Variants in FNBP1L observed in about 807,000 individuals in gnomAD.
The protein encoded by FNBP1L is formin-binding protein 1-like.
Under a neutral mutation model 91.2 loss-of-function variants are expected in FNBP1L, and 36 were observed. The ratio of observed to expected loss-of-function variants is 0.39; its 90% CI spans 0.30 to 0.52. The LOEUF (loss-of-function observed/expected upper bound fraction) is 0.52. Among genes scored for constraint, FNBP1L ranks in the 20% least tolerant of loss-of-function variants. The pLI, the probability that FNBP1L is intolerant of heterozygous loss-of-function variation, is 0.66. For missense variants in FNBP1L, 571 were observed against 732.1 expected (o/e 0.78, Z 2.54); for synonymous variants, 242 against 237.0 (o/e 1.02, Z -0.19).
At chr1:93,486,148 C>T (rs1461533842) in intron 1 of FNBP1L, among the ~76,000 whole-genome samples, 1 of 152,190 alleles carries the variant, frequency 6.6e-6, no homozygotes, top group East Asian at 1.9e-4. Context: ...GGATTCTGTA[C>T]TTAGAGTTTT....
intron 1 of FNBP1L, among the ~76,000 whole-genome samples, chr1:93,496,656 G>C (rs58430978): frequency 6.6e-6 from 1 of 151,882 alleles, no homozygotes; most frequent in Non-Finnish European, 1.5e-5. Context: ...CTCTTGCCTC[G>C]GCCTCCCAAA....
In FNBP1L at chr1:93,499,558, G is replaced by T. The variant is rs1411987917; in HGVS notation, c.115G>T (p.Glu39Ter). ...AKFVKERIEI[E>*]QNYAKQLRNL... is the part of the protein sequence containing the mutation. The stretch of plus-strand genomic sequence containing the variant: ...ATTTGTTAAAGAGAGGATAGAAATT[G>T]AACAGAACTATGCGAAACAATTGAG... The change falls in exon 2 of 17, where the codon GAA becomes TAA. Residue 39 changes from glutamate to a stop codon, truncating the protein, a stop_gained. Coordinates refer to ENST00000271234, the MANE Select transcript of FNBP1L (RefSeq NM_001164473.3). LOFTEE classifies it high-confidence loss of function. 6.3e-7 allele frequency: 1 copy of T among 1,597,650 alleles called. No individual in the cohort carries two copies. The highest frequency in any genetic ancestry group is 8.5e-7 in the Non-Finnish European group (1 of 1,172,258).
At chr1:93,520,175 TGGGTCCTCTTTTA>T (rs1671276111) in intron 2 of FNBP1L, among the ~76,000 whole-genome samples, 1 of 152,224 alleles carries the variant, frequency 6.6e-6, no homozygotes, top group Admixed American at 6.5e-5. Context: ...CTCCTGCTCA[TGGGTCCTCTTTTA>T]TTTATGATGC....
chr1:93,529,265 C>G (rs1347770864), intron 5 of FNBP1L, among the ~76,000 whole-genome samples: 1 of 151,954 alleles, frequency 6.6e-6, no homozygotes, highest in Non-Finnish European at 1.5e-5. Context: ...TTAACTCAGT[C>G]ATGCCTATGT....
chr1:93,514,625 C>T (rs1671005242), intron 2 of FNBP1L, among the ~76,000 whole-genome samples: 1 of 152,216 alleles, frequency 6.6e-6, no homozygotes, highest in Non-Finnish European at 1.5e-5. Context: ...ATGTCTACAG[C>T]TATCTGATCT....
intron 1 of FNBP1L, among the ~76,000 whole-genome samples, chr1:93,480,668 C>T (rs1669667309): frequency 6.6e-6 from 1 of 151,946 alleles, no homozygotes; most frequent in African/African-American, 2.4e-5. Context: ...TCACTGCAAG[C>T]TCCACCTCCT....
chr1:93,483,865 G>A (rs185050851), intron 1 of FNBP1L, among the ~76,000 whole-genome samples: 1 of 152,272 alleles, frequency 6.6e-6, no homozygotes, highest in East Asian at 1.9e-4. Context: ...CAACACAAGG[G>A]AACAAAGCTA....
At chr1:93,539,935 C>T (rs988832942) in intron 10 of FNBP1L, among the ~76,000 whole-genome samples, 2 of 152,080 alleles carry the variant, frequency 1.3e-5, no homozygotes, top group African/African-American at 4.8e-5. Flanking sequence ...TATCTGACAT[C>T]TCCCCAACAC....
Position 93,522,155 on chromosome 1 carries a change from A to G in FNBP1L, c.194+20A>G. On this transcript the variant is annotated intron_variant, in intron 3 of 16. Coordinates refer to ENST00000271234, the MANE Select transcript of FNBP1L (RefSeq NM_001164473.3). ...GCCACGGTAAATTACATACCTGTTC[A>G]TTAATGCATATTAAAAAATTTAAAA... is the stretch of plus-strand genomic sequence containing the variant. 4.7e-6 allele frequency: 6 copies of G among 1,287,616 alleles called. No homozygotes were observed. The highest frequency in any genetic ancestry group is 6.1e-6 in the Non-Finnish European group (6 of 988,844). The allele number at this position is 1,287,616 out of a possible 1,614,324, so 79.8% of individuals were successfully genotyped here.
intron 1 of FNBP1L, among the ~76,000 whole-genome samples, chr1:93,482,886 C>T (rs533293585): frequency 7.9e-5 from 12 of 151,890 alleles, no homozygotes; most frequent in African/African-American, 1.7e-4. Context: ...GGCGTGGTCG[C>T]GGGCGCCTGT....
intron 1 of FNBP1L, among the ~76,000 whole-genome samples, chr1:93,463,197 A>G (rs183930306): frequency 1.3e-3 from 195 of 152,228 alleles, no homozygotes; most frequent in Admixed American, 2.6e-3. Context: ...GGACTGTAAG[A>G]TATGTGATCC....
chr1:93,504,909 T>C (rs751512660), intron 2 of FNBP1L, among the ~76,000 whole-genome samples: 1 of 152,216 alleles, frequency 6.6e-6, no homozygotes, highest in Non-Finnish European at 1.5e-5. Flanking sequence ...GATTGTGTCC[T>C]TCTATGCATT....
intron 1 of FNBP1L, among the ~76,000 whole-genome samples, chr1:93,456,979 A>G (rs779505245): frequency 6.6e-6 from 1 of 151,914 alleles, no homozygotes; most frequent in Non-Finnish European, 1.5e-5. Context: ...GCCTCGACCT[A>G]CCTGGCTCAG....
chr1:93,534,131 G>T (rs1188177599), intron 8 of FNBP1L, among the ~76,000 whole-genome samples: 1 of 152,072 alleles, frequency 6.6e-6, no homozygotes, highest in African/African-American at 2.4e-5. Context: ...AATGTTGTTT[G>T]CACTCAGTAG....
intron 11 of FNBP1L, among the ~76,000 whole-genome samples, chr1:93,542,847 G>A (rs536272722): frequency 3.4e-5 from 5 of 144,978 alleles, no homozygotes; most frequent in Admixed American, 1.4e-4. Context: ...GCAATGGCGC[G>A]ATCTTGGCTC....
Position 93,551,748 on chromosome 1 carries a change from T to C in FNBP1L, c.1810+643T>C, listed in dbSNP as rs561237365. On this transcript the variant is annotated intron_variant, in intron 16 of 16. Coordinates refer to ENST00000271234, the MANE Select transcript of FNBP1L (RefSeq NM_001164473.3). ...TTCAAAATAAATCTCCTGGTCTAGC[T>C]CTTAGGTGAATAAAATAGATTTTGT... 81 of 985,042 alleles carry C rather than the reference T, an allele frequency of 8.2e-5. 1 individual carries two copies. The Admixed American group carries it at 1.3e-3, about 16-fold the overall frequency. 61.0% of individuals were successfully genotyped at this position (985,042 alleles called of 1,614,324 possible). A position where few individuals can be genotyped will look rare whatever the true frequency, so the allele number is the denominator to read the frequency against.
intron 5 of FNBP1L, among the ~76,000 whole-genome samples, chr1:93,524,581 C>CT (rs34173735): frequency 0.17 from 18,737 of 113,468 alleles, 1,308 homozygotes; most frequent in African/African-American, 0.25. Context: ...TAAGGAGATT[C>CT]TTTTTTTTTT....
At chr1:93,499,357 T>G in intron 1 of FNBP1L, 111 bp from the exon 2 acceptor site, 1 of 709,130 alleles carries the variant, frequency 1.4e-6, no homozygotes, top group South Asian at 1.7e-5. Context: ...AGAGCCTGGG[T>G]TTTTCCTTTT....
rs1672337304 is a variant in FNBP1L, at chr1:93,549,438, T to A, written c.1651+12T>A. ...CTACCCTTTTGATGGTATGATTTTC[T>A]TAATAATATTGTATGTAAAAAAATT... On this transcript the variant is annotated intron_variant, in intron 15 of 16. Coordinates refer to ENST00000271234, the MANE Select transcript of FNBP1L (RefSeq NM_001164473.3). 3.2e-6 allele frequency: 5 copies of A among 1,552,498 alleles called. No individual in the cohort carries two copies. The highest frequency in any genetic ancestry group is 4.3e-6 in the Non-Finnish European group (5 of 1,154,670).
Sources: gnomAD v4.1 joint callset for allele counts (sites outside exome capture counted in the v4.1 genomes callset) on GRCh38, gnomAD v4.1.1 for gene constraint, MANE v1.5 for transcripts, NCBI Gene and HGNC (gene_info 2026-07-23, HGNC 2026-07-21) for gene names.